Variants in DISC1 observed in about 807,000 individuals in gnomAD.
The protein encoded by DISC1 is DISC1 scaffold protein.
In DISC1, 57 loss-of-function variants were observed where a neutral mutation model predicts 84.5. The ratio of observed to expected loss-of-function variants is 0.67; its 90% CI spans 0.55 to 0.84. DISC1 has a LOEUF of 0.84. DISC1 is among the 40% of genes least tolerant of loss of function. The pLI, the probability that DISC1 is intolerant of heterozygous loss-of-function variation, is 0.00. For synonymous variants in DISC1, 411 were observed against 415.2 expected (o/e 0.99, Z 0.12); for missense variants, 1,000 against 1,057.8 (o/e 0.95, Z 0.76).
chr1:231,795,339 G>A (rs2078675120), intron 7 of DISC1, 43 bp downstream of exon 7: 2 of 1,564,760 alleles, frequency 1.3e-6, no homozygotes, highest in African/African-American at 1.4e-5. Flanking sequence ...AGCCTATGAA[G>A]TTTTCGTTTG....
chr1:232,005,681 G>A (rs1667333261), intron 10 of DISC1, among the ~76,000 whole-genome samples: 1 of 151,438 alleles, frequency 6.6e-6, no homozygotes. Context: ...ATGGACATGG[G>A]CTTTGAGAGA....
At chr1:231,765,209 A>AAAAC in intron 4 of DISC1, among the ~76,000 whole-genome samples, 1 of 151,726 alleles carries the variant, frequency 6.6e-6, no homozygotes, top group African/African-American at 2.4e-5. Flanking sequence ...AAAAAAAAAA[A>AAAAC]AAAAAAAAAA....
intron 9 of DISC1, among the ~76,000 whole-genome samples, chr1:231,946,343 A>G (rs377442378): frequency 6.6e-6 from 1 of 152,330 alleles, no homozygotes; most frequent in African/African-American, 2.4e-5. Flanking sequence ...TCACATAATC[A>G]GAACCAATGA....
chr1:231,836,122 C>T (rs2082614605), intron 9 of DISC1, among the ~76,000 whole-genome samples: 1 of 152,202 alleles, frequency 6.6e-6, no homozygotes. Flanking sequence ...CAGTATCCTA[C>T]CCAAGACCTT....
intron 10 of DISC1, among the ~76,000 whole-genome samples, chr1:231,975,707 A>G (rs1662695081): frequency 6.6e-6 from 1 of 152,248 alleles, no homozygotes; most frequent in Non-Finnish European, 1.5e-5. Context: ...CATTATCCGA[A>G]GTGAAACAAG....
chr1:232,008,955 C>T lies in DISC1; in HGVS notation c.2213C>T (p.Ser738Phe), dbSNP rs1403136084. The T allele has an allele frequency of 6.2e-7, 1 of 1,613,848 alleles. No individual in the cohort carries two copies. The highest frequency in any genetic ancestry group is 1.7e-5 in the Admixed American group (1 of 59,984). ...CCTCCTATTCCCCCCAGGCTCCACT[C>T]CGAGGATAAAAGGAAGACCCCTTTG... is the stretch of plus-strand genomic sequence containing the variant. ...AAPPIPPRLH[S>F]EDKRKTPLKV... Residue 738 changes from serine (S) to phenylalanine (F), a missense_variant, in exon 11 of 13, where the codon TCC (serine) becomes TTC (phenylalanine). Ser to Phe is a radical substitution (Grantham distance 155). Transcript: ENST00000439617.
intron 6 of DISC1, among the ~76,000 whole-genome samples, chr1:231,791,795 G>T (rs2078372357): frequency 6.6e-6 from 1 of 152,152 alleles, no homozygotes; most frequent in Admixed American, 6.5e-5. Context: ...GCATTGAACT[G>T]GTCTTATTTT....
intron 11 of DISC1, among the ~76,000 whole-genome samples, chr1:232,014,455 A>G (rs1332012410): frequency 2.6e-5 from 4 of 152,230 alleles, no homozygotes; most frequent in African/African-American, 9.6e-5. Flanking sequence ...TCTCCACTAC[A>G]TTTTGAAGTT....
intron 9 of DISC1, among the ~76,000 whole-genome samples, chr1:231,867,967 C>T (rs538357674): frequency 1.3e-5 from 2 of 152,360 alleles, no homozygotes; most frequent in African/African-American, 4.8e-5. Flanking sequence ...CCTTAGCATT[C>T]CTCTGCTAAT....
chr1:231,920,857 T>A (rs924513229), intron 9 of DISC1, among the ~76,000 whole-genome samples: 3 of 152,034 alleles, frequency 2.0e-5, no homozygotes, highest in African/African-American at 7.2e-5. Flanking sequence ...TTTATTTTAT[T>A]GGGTAATGCT....
At chr1:231,843,594 C>T (rs2083238747) in intron 9 of DISC1, among the ~76,000 whole-genome samples, 3 of 152,014 alleles carry the variant, frequency 2.0e-5, no homozygotes, top group Admixed American at 1.3e-4. Context: ...GCTGTGAGAA[C>T]GAAGAGGAGG....
chr1:232,006,802 A>C (rs2256510), intron 10 of DISC1, among the ~76,000 whole-genome samples: 41,441 of 152,060 alleles, frequency 0.27, 5,896 homozygotes, highest in African/African-American at 0.29. Context: ...AAATGTCTCT[A>C]GGGCATGTCA....
chr1:231,685,683 C>G (rs985043114), intron 1 of DISC1, among the ~76,000 whole-genome samples: 15 of 152,270 alleles, frequency 9.9e-5, no homozygotes, highest in African/African-American at 3.6e-4. Context: ...GAACTCCTGA[C>G]CTCGTGATCT....
At chr1:231,711,023 CT>C (rs939402097) in intron 3 of DISC1, among the ~76,000 whole-genome samples, 143 of 146,538 alleles carry the variant, frequency 9.8e-4, no homozygotes, top group South Asian at 1.9e-3. Context: ...TTGATTGAAA[CT>C]TTTTTTTTTT....
At chr1:231,766,035 A>G (rs901643571) in intron 4 of DISC1, among the ~76,000 whole-genome samples, 1 of 152,138 alleles carries the variant, frequency 6.6e-6, no homozygotes, top group Non-Finnish European at 1.5e-5. Flanking sequence ...CACACCTGTA[A>G]TCCCAGCACT....
rs150489951 is a variant in DISC1, at chr1:231,694,224, C to A, written c.466C>A (p.Leu156Met). 6.2e-6 allele frequency: 10 copies of A among 1,614,078 alleles called. No homozygotes were observed. The African/African-American group carries it at 1.3e-4, about 22-fold the overall frequency. Residue 156 changes from leucine to methionine, a missense_variant, in exon 2 of 13, where the codon CTG becomes ATG. Around this residue, in one of 3 missense-constraint regions of DISC1, gnomAD observed 292 missense variants for 280.2 expected, o/e 1.04. Transcript: ENST00000439617. ...EFAAMDSSETLDASWEAACSD... is the reference protein window; with the variant it reads ...EFAAMDSSETMDASWEAACSD... ...TGCAGCCATGGATAGTTCTGAGACC[C>A]TGGACGCCAGCTGGGAGGCAGCCTG...
At position 231,939,903 on chromosome 1, in the gene DISC1, T is replaced by C. The variant is rs142935346; in HGVS notation, c.1982-18925T>C. On this transcript the variant is annotated intron_variant, in intron 9 of 12. Coordinates refer to ENST00000439617, the MANE Select transcript of DISC1 (RefSeq NM_018662.3). ...AATCACAGGCACGTGCCACTGTGCC[T>C]GGCTAATTTTTGTATTTTTAGTAGA... Among the ~76,000 whole-genome samples, 525 of 151,962 alleles carry C rather than the reference T, an allele frequency of 3.5e-3. 3 individuals are homozygous for C. Among genetic ancestry groups the C allele is most frequent in the African/African-American group, 0.012 (502 of 41,538 alleles).
intron 1 of DISC1, among the ~76,000 whole-genome samples, chr1:231,649,454 T>G (rs7533147): frequency 0.29 from 44,823 of 152,000 alleles, 7,752 homozygotes; most frequent in East Asian, 0.59. Flanking sequence ...TTTTACATTT[T>G]CTGAGGAGTG....
At chr1:231,998,546 A>G (rs1666261279) in intron 10 of DISC1, among the ~76,000 whole-genome samples, 1 of 152,214 alleles carries the variant, frequency 6.6e-6, no homozygotes, top group Non-Finnish European at 1.5e-5. Flanking sequence ...TCGACCTCAG[A>G]CTTCTCAATA....
Sources: gnomAD v4.1 joint callset for allele counts (sites outside exome capture counted in the v4.1 genomes callset) on GRCh38, gnomAD v4.1.1 for gene constraint, gnomAD v4.1.1 regional missense constraint, MANE v1.5 for transcripts, NCBI Gene and HGNC (gene_info 2026-07-23, HGNC 2026-07-21) for gene names.